The following OXNAD1 variants were observed in gnomAD, a reference collection of about 807,000 sequenced individuals.
OXNAD1 encodes the protein oxidoreductase NAD binding domain containing 1, also known as oxidoreductase NAD-binding domain-containing protein 1.
OXNAD1 carries 34 observed loss-of-function variants against 32.9 expected under a neutral mutation model. The observed-to-expected ratio is 1.03, with a 90% CI of 0.79 to 1.38. The LOEUF is 1.38. Among genes scored for constraint, OXNAD1 ranks in the 40% most tolerant of loss-of-function variants. The pLI is 0.00. For synonymous variants in OXNAD1, 134 were observed against 135.2 expected (o/e 0.99, Z 0.06); for missense variants, 407 against 379.4 (o/e 1.07, Z -0.60).
In OXNAD1 at chr3:16,288,566, C is replaced by T. The variant is rs1050393026; in HGVS notation, c.290+2118C>T. On this transcript the variant is annotated intron_variant, in intron 5 of 8. Coordinates refer to ENST00000285083, the MANE Select transcript of OXNAD1 (RefSeq NM_138381.5). This position sits in a 1 kb window ranked among gnomAD's most constrained non-coding sequence, Gnocchi z 5.1. ...GATCAGATATAGGCCTCAAGGGGCT[C>T]TTTTTGCACTACACTGTATTCTTAC... Among the ~76,000 whole-genome samples, 2 of 152,174 alleles carry T rather than the reference C, an allele frequency of 1.3e-5. No homozygotes were observed. Among genetic ancestry groups the T allele is most frequent in the African/African-American group, 4.8e-5 (2 of 41,444 alleles).
In OXNAD1 at chr3:16,298,374, G is replaced by T. The variant is rs1250092444; in HGVS notation, c.433-3252G>T. Among the ~76,000 whole-genome samples the T allele has an allele frequency of 1.3e-5, 2 of 152,112 alleles. No individual in the cohort carries two copies. The highest frequency in any genetic ancestry group is 4.8e-5 in the African/African-American group (2 of 41,412). On this transcript the variant is annotated intron_variant, in intron 6 of 8. Transcript: ENST00000285083. This position sits in a 1 kb window ranked among gnomAD's most constrained non-coding sequence, Gnocchi z 5.1. The stretch of plus-strand genomic sequence containing the variant: ...CTTAGCTTCTCACGCGACCTGGCCT[G>T]GTCCTGGTCCACAGCTTCCTGCTTG...
chr3:16,342,585 T>C lies in OXNAD1; in HGVS notation c.*31-6591T>C, dbSNP rs1381866064. Among the ~76,000 whole-genome samples the C allele has an allele frequency of 6.6e-6, 1 of 152,218 alleles. No individual in the cohort carries two copies. Among genetic ancestry groups the C allele is most frequent in the African/African-American group, 2.4e-5 (1 of 41,444 alleles). ...GGTCATATGGTAACTATGTTTAACATTTTGGGAAAGTGTCCATGGATCACT... is the reference window on the plus strand; with the variant it reads ...GGTCATATGGTAACTATGTTTAACACTTTGGGAAAGTGTCCATGGATCACT... On this transcript the variant is annotated intron_variant, in intron 9 of 9. Transcript: ENST00000606098. The surrounding 1 kb of genome is among the most constrained non-coding windows in gnomAD (Gnocchi z 4.0).
rs1264483495 is a variant in OXNAD1, at chr3:16,302,249, GTT to G, written c.675+383_675+384del. The stretch of plus-strand genomic sequence containing the variant: ...AATGAAACCCCTGTCAGTTGCATCT[GTT>G]TAAACTAAGTGCATTTGATGAAGAA... On this transcript the variant is annotated intron_variant, in intron 7 of 8. Transcript: ENST00000285083. This position sits in a 1 kb window ranked among gnomAD's most constrained non-coding sequence, Gnocchi z 4.2. 2.0e-5 allele frequency among the ~76,000 whole-genome samples: 3 copies of G among 152,232 alleles called. No homozygotes were observed. The highest frequency in any genetic ancestry group is 1.5e-5 in the Non-Finnish European group (1 of 68,046).
chr3:16,351,339 G>A (rs2072089808), downstream of OXNAD1, among the ~76,000 whole-genome samples: 1 of 152,190 alleles, frequency 6.6e-6, no homozygotes, highest in South Asian at 2.1e-4. This position sits in a 1 kb window ranked among gnomAD's most constrained non-coding sequence, Gnocchi z 5.4. Flanking sequence ...GGAAGCCAAG[G>A]CTGGAAGATC....
At position 16,303,376 on chromosome 3, in the gene OXNAD1, C is replaced by A. The variant is rs372332045; in HGVS notation, c.785-32C>A. On this transcript the variant is annotated intron_variant, in intron 8 of 8. Transcript: ENST00000285083. This position sits in a 1 kb window ranked among gnomAD's most constrained non-coding sequence, Gnocchi z 4.8. ...CATTTGCTGATACAACCATGTCTGG[C>A]TTAATTTGGTGTTTATTCTGGTTTT... The A allele has an allele frequency of 1.2e-6, 2 of 1,609,908 alleles. No homozygotes were observed. The highest frequency in any genetic ancestry group is 2.2e-5 in the South Asian group (2 of 90,664).
In OXNAD1 at chr3:16,286,771, A is replaced by G. The variant is rs569645064; in HGVS notation, c.290+323A>G. 2.6e-5 allele frequency among the ~76,000 whole-genome samples: 4 copies of G among 152,358 alleles called. 1 individual carries two copies. The South Asian group carries it at 6.2e-4, about 24-fold the overall frequency. Reference sequence around the variant, plus strand: ...AGACTCTTCAGGAATGGTTGCTAACAGAATGCACTTCAGTAATCTAATCTC... The same window carrying G: ...AGACTCTTCAGGAATGGTTGCTAACGGAATGCACTTCAGTAATCTAATCTC... On this transcript the variant is annotated intron_variant, in intron 5 of 8. Coordinates refer to ENST00000285083, the MANE Select transcript of OXNAD1 (RefSeq NM_138381.5).
At chr3:16,296,492 A>T (rs2066805054) in intron 6 of OXNAD1, among the ~76,000 whole-genome samples, 1 of 152,216 alleles carries the variant, frequency 6.6e-6, no homozygotes, top group South Asian at 2.1e-4. Context: ...TTTATATGGA[A>T]CAAAAAAGGA....
chr3:16,281,127 T>C (rs1310258190), intron 4 of OXNAD1, among the ~76,000 whole-genome samples: 3 of 152,228 alleles, frequency 2.0e-5, no homozygotes, highest in Non-Finnish European at 2.9e-5. Context: ...AAAATAAATA[T>C]GTGGTCTTCA....
chr3:16,300,331 G>A lies in OXNAD1; in HGVS notation c.433-1295G>A, dbSNP rs144641126. Among the ~76,000 whole-genome samples the A allele has an allele frequency of 1.1e-4, 17 of 152,336 alleles. No homozygotes were observed. The East Asian group carries it at 3.3e-3, about 29-fold the overall frequency. On this transcript the variant is annotated intron_variant, in intron 6 of 8. Transcript: ENST00000285083. ...AGATCTAACTGGAAGATAGAATGAA[G>A]TAATCAGATGGCTATTCCTAAACAT...
chr3:16,317,179 T>A lies in OXNAD1; in HGVS notation c.*30+13587T>A. 6.2e-7 allele frequency: 1 copy of A among 1,613,674 alleles called. No individual in the cohort carries two copies. Among genetic ancestry groups the A allele is most frequent in the Non-Finnish European group, 8.5e-7 (1 of 1,179,988 alleles). On this transcript the variant is annotated intron_variant, in intron 9 of 9. Transcript: ENST00000435829. This position sits in a 1 kb window ranked among gnomAD's most constrained non-coding sequence, Gnocchi z 4.3. ...TGTCTCTGGCACTGAGTTTACCTTTTGATTTCCTCATCTGCCTGTTGTGCA... is the reference window on the plus strand; with the variant it reads ...TGTCTCTGGCACTGAGTTTACCTTTAGATTTCCTCATCTGCCTGTTGTGCA...
rs993829543 is a variant in OXNAD1, at chr3:16,271,210, T to G, written c.119+139T>G. ...GTGCATGCTGTCAGGTTGTTAACCG[T>G]TTTTTTTGTCTGAGATGGAGTCTTG... is the stretch of plus-strand genomic sequence containing the variant. On this transcript the variant is annotated intron_variant, in intron 3 of 8. Coordinates refer to ENST00000285083, the MANE Select transcript of OXNAD1 (RefSeq NM_138381.5). This position sits in a 1 kb window ranked among gnomAD's most constrained non-coding sequence, Gnocchi z 4.6. 4 of 157,946 alleles carry G rather than the reference T, an allele frequency of 2.5e-5. No individual in the cohort carries two copies. The highest frequency in any genetic ancestry group is 3.3e-5 in the Non-Finnish European group (4 of 121,178). The allele number at this position is 157,946 out of a possible 1,614,324, so 9.8% of individuals were successfully genotyped here.
At chr3:16,324,689 TTA>T (rs1225720380) in intron 9 of OXNAD1, among the ~76,000 whole-genome samples, 1 of 116,522 alleles carries the variant, frequency 8.6e-6, no homozygotes, top group African/African-American at 3.4e-5. Flanking sequence ...TGTGTGTATT[TTA>T]TATATATATA....
At position 16,295,847 on chromosome 3, in the gene OXNAD1, A is replaced by G. The variant is rs147655273; in HGVS notation, c.432+850A>G. Among the ~76,000 whole-genome samples, 1,036 of 152,308 alleles carry G rather than the reference A, an allele frequency of 6.8e-3. 9 individuals are homozygous for G. The highest frequency in any genetic ancestry group is 7.2e-3 in the Non-Finnish European group (493 of 68,014). Reference sequence around the variant, plus strand: ...GTTTCCTGGAAATCATTGAAAATCAATGAAGGAAAAAGAAAACAAAACCTC... The same window carrying G: ...GTTTCCTGGAAATCATTGAAAATCAGTGAAGGAAAAAGAAAACAAAACCTC... On this transcript the variant is annotated intron_variant, in intron 6 of 8. Transcript: ENST00000285083.
At position 16,270,613 on chromosome 3, in the gene OXNAD1, G is replaced by A. The variant is rs554549567; in HGVS notation, c.-8-332G>A. Among the ~76,000 whole-genome samples the A allele has an allele frequency of 1.4e-3, 218 of 152,300 alleles. 1 individual carries two copies. Among genetic ancestry groups the A allele is most frequent in the Non-Finnish European group, 2.4e-3 (164 of 68,036 alleles). ...TCTTCAGGTAGAATACAATTATCAG[G>A]AAGTTATAAAATCTCCCCTCTTCTA... is the stretch of plus-strand genomic sequence containing the variant. On this transcript the variant is annotated intron_variant, in intron 2 of 8. Transcript: ENST00000285083.
At chr3:16,286,684 T>C (rs1028470857) in intron 5 of OXNAD1, among the ~76,000 whole-genome samples, 1 of 152,214 alleles carries the variant, frequency 6.6e-6, no homozygotes, top group Admixed American at 6.5e-5. Flanking sequence ...AATTGCTGTC[T>C]TGTGTTTTCC....
At chr3:16,273,246 G>A (rs1349370177) in intron 4 of OXNAD1, among the ~76,000 whole-genome samples, 1 of 152,102 alleles carries the variant, frequency 6.6e-6, no homozygotes, top group Non-Finnish European at 1.5e-5. Context: ...AGCGTCAACT[G>A]ATATTTACTG....
chr3:16,295,057 G>T, intron 6 of OXNAD1, 60 bp downstream of exon 6: 1 of 1,511,578 alleles, frequency 6.6e-7, no homozygotes, highest in Non-Finnish European at 8.9e-7. Flanking sequence ...CACAAAATTT[G>T]TGTTAAGCTC....
chr3:16,316,891 T>C lies in OXNAD1; in HGVS notation c.*30+13299T>C, dbSNP rs375039353. 4.2e-5 allele frequency: 68 copies of C among 1,613,984 alleles called. 1 individual carries two copies. In the Middle Eastern group the frequency reaches 2.0e-3, roughly 47 times the overall value. Reference sequence around the variant, plus strand: ...CAGCATCCCCGTCCCTGGCATCCTCTCCAGGATTGGAGTGCCCAGTGCAAA... The same window carrying C: ...CAGCATCCCCGTCCCTGGCATCCTCCCCAGGATTGGAGTGCCCAGTGCAAA... On this transcript the variant is annotated intron_variant, in intron 9 of 9. Transcript: ENST00000435829. This position sits in a 1 kb window ranked among gnomAD's most constrained non-coding sequence, Gnocchi z 4.5.
At position 16,314,974 on chromosome 3, in the gene OXNAD1, T is replaced by C. The variant is rs922515014; in HGVS notation, c.*30+11382T>C. On this transcript the variant is annotated intron_variant, in intron 9 of 9. Transcript: ENST00000435829. The surrounding 1 kb of genome is among the most constrained non-coding windows in gnomAD (Gnocchi z 4.4). The stretch of plus-strand genomic sequence containing the variant: ...TGTGGAAAATGTCATTAAAAAATAG[T>C]TGTCTTCTCTTTGAACAGGGCCTTC... 2 of 152,230 alleles carry C rather than the reference T, an allele frequency of 1.3e-5. No homozygotes were observed. Among genetic ancestry groups the C allele is most frequent in the African/African-American group, 4.8e-5 (2 of 41,470 alleles). The allele number at this position is 152,230 out of a possible 1,614,324, so 9.4% of individuals were successfully genotyped here. A position where few individuals can be genotyped will look rare whatever the true frequency, so the allele number is the denominator to read the frequency against.
Sources: allele counts gnomAD v4.1 joint callset (sites outside exome capture counted in the v4.1 genomes callset), GRCh38; gene constraint gnomAD v4.1.1; non-coding constraint Gnocchi (gnomAD v3.1); transcripts MANE v1.5; gene names NCBI Gene and HGNC (gene_info 2026-07-23, HGNC 2026-07-21).